PI4K2A: variants seen among roughly 807,000 people sequenced by gnomAD.
PI4K2A encodes phosphatidylinositol 4-kinase type 2-alpha.
Under a neutral mutation model 55.0 loss-of-function variants are expected in PI4K2A, and 20 were observed. The ratio of observed to expected loss-of-function variants is 0.36; its 90% CI spans 0.26 to 0.53. The LOEUF (loss-of-function observed/expected upper bound fraction) is 0.53, where lower values mean the gene tolerates loss of function less well. Among genes scored for constraint, PI4K2A ranks in the 20% least tolerant of loss-of-function variants. The pLI, the probability that PI4K2A is intolerant of heterozygous loss-of-function variation, is 0.91. For missense variants in PI4K2A, 463 were observed against 637.1 expected, an observed-to-expected ratio of 0.73 and a Z score of 2.94; for synonymous variants, 235 against 258.5, an observed-to-expected ratio of 0.91 and a Z score of 0.87.
intron 5 of PI4K2A, among the ~76,000 whole-genome samples, chr10:97,663,516 C>CTTT (rs34921397): frequency 2.8e-5 from 4 of 141,798 alleles, no homozygotes; most frequent in Middle Eastern, 3.8e-3. Context: ...TCTTTTCTTT[C>CTTT]TTTTTTTTTT....
rs144616713 is a variant in PI4K2A at position 97,644,881 on chromosome 10, G to A, written c.435+3704G>A. On this transcript the variant is annotated intron_variant, in intron 1 of 8. Coordinates refer to ENST00000370631, the Ensembl canonical transcript of PI4K2A. ...GATTGGGAGAACCAGCACTTTCTGC[G>A]ACAGCCACTTTTGGATCTTAGACAG... Among the ~76,000 whole-genome samples, 530 of 152,210 alleles carry A rather than the reference G, an allele frequency of 3.5e-3. 2 individuals carry two copies. Among genetic ancestry groups the A allele is most frequent in the Non-Finnish European group, 6.2e-3 (423 of 68,016 alleles).
rs1479903577 is a variant in PI4K2A, at chr10:97,645,539, C to T, written c.435+4362C>T. ...AGGAGAATGGCGTGAACCCGGGAGG[C>T]GGAGCTTGCAGTGAGCCAAGATCGT... is the stretch of plus-strand genomic sequence containing the variant. On this transcript the variant is annotated intron_variant, in intron 1 of 8. Transcript: ENST00000370631. 4.9e-5 allele frequency among the ~76,000 whole-genome samples: 7 copies of T among 143,068 alleles called. No homozygotes were observed. In the East Asian group the frequency reaches 8.6e-4, roughly 18 times the overall value. 93.9% of individuals were successfully genotyped at this position (143,068 alleles called of 152,430 possible).
rs536954710 is a variant in PI4K2A at position 97,641,845 on chromosome 10, C to A, written c.435+668C>A. Among the ~76,000 whole-genome samples, 4 of 152,208 alleles carry A rather than the reference C, an allele frequency of 2.6e-5. No homozygotes were observed. The South Asian group carries it at 8.3e-4, about 32-fold the overall frequency. On this transcript the variant is annotated intron_variant, in intron 1 of 8. Transcript: ENST00000370631. Reference sequence around the variant, plus strand: ...TGGGGCCATCAGCTACTTTTTCTTTCATTTCTCTCCCAGGGCTATCAACAG... The same window carrying A: ...TGGGGCCATCAGCTACTTTTTCTTTAATTTCTCTCCCAGGGCTATCAACAG...
exon 7 of PI4K2A, chr10:97,666,463 C>G: frequency 6.2e-7 from 1 of 1,613,456 alleles, no homozygotes; most frequent in Non-Finnish European, 8.5e-7. Context: ...CCTGGTTGCC[C>G]CAGGCGAAAG....
intron 4 of PI4K2A, among the ~76,000 whole-genome samples, chr10:97,659,892 C>A (rs913311889): frequency 3.3e-5 from 5 of 152,064 alleles, no homozygotes; most frequent in African/African-American, 1.2e-4. Context: ...CGTGGGGAGA[C>A]AGATTTCTGT....
chr10:97,640,697 G>A (rs575942963), exon 1 of PI4K2A: 8 of 1,341,440 alleles, frequency 6.0e-6, no homozygotes, highest in Non-Finnish European at 6.8e-6. Context: ...GGCCGCGAGC[G>A]CAGTGGTGTG....
Position 97,656,949 on chromosome 10 carries a change from G to A in PI4K2A, c.897G>A (p.Val299=), listed in dbSNP as rs1297005137. 6.2e-7 allele frequency: 1 copy of A among 1,614,180 alleles called. No homozygotes were observed. The highest frequency in any genetic ancestry group is 2.2e-5 in the East Asian group (1 of 44,876). The stretch of plus-strand genomic sequence containing the variant: ...TGCTCCAGTTTGAGCGGTTGGTGGT[G>A]CTGGATTACATCATCCGCAACACTG... The change falls in exon 4 of 9, where the codon GTG becomes GTA. Residue 299 remains valine (V), a synonymous_variant. Transcript: ENST00000370631. This position sits in a 1 kb window ranked among gnomAD's most constrained non-coding sequence, Gnocchi z 4.5.
At chr10:97,640,756 G>A in exon 1 of PI4K2A, 1 of 1,510,756 alleles carries the variant, frequency 6.6e-7, no homozygotes. Context: ...GACGAGACGA[G>A]CCCACTAGTG....
chr10:97,670,175 T>G (rs1457653147), intron 8 of PI4K2A, among the ~76,000 whole-genome samples: 1 of 152,226 alleles, frequency 6.6e-6, no homozygotes, highest in African/African-American at 2.4e-5. Flanking sequence ...GCTGAAATTA[T>G]AGGCATGTGC....
chr10:97,664,120 AC>A, intron 5 of PI4K2A, among the ~76,000 whole-genome samples: 1 of 152,354 alleles, frequency 6.6e-6, no homozygotes, highest in East Asian at 1.9e-4. Flanking sequence ...TTAAAATAGT[AC>A]ACAGATTCTT....
intron 1 of PI4K2A, among the ~76,000 whole-genome samples, chr10:97,648,869 T>G (rs1041132531): frequency 6.6e-6 from 1 of 152,222 alleles, no homozygotes; most frequent in Non-Finnish European, 1.5e-5. Flanking sequence ...TTCTGAAGAC[T>G]TATGATGTGA....
chr10:97,666,368 C>G (rs2041609280), intron 6 of PI4K2A, 70 bp from the exon 7 acceptor site: 1 of 1,455,358 alleles, frequency 6.9e-7, no homozygotes, highest in Non-Finnish European at 9.4e-7. Flanking sequence ...AGTGCCTTGA[C>G]TGGTGGAGGA....
Position 97,656,274 on chromosome 10 carries a change from TTTC to T in PI4K2A, c.637-10_637-8del. ...GACTCTAACCTTAGTATCTCTTCTC[TTTC>T]ACTGTAGGTAGTATACCTGGCCAGT... On this transcript the variant is annotated splice_region_variant and splice_polypyrimidine_tract_variant and intron_variant, in intron 2 of 8. Transcript: ENST00000370631. The surrounding 1 kb of genome is among the most constrained non-coding windows in gnomAD (Gnocchi z 4.5). 4 of 1,611,074 alleles carry T rather than the reference TTTC, an allele frequency of 2.5e-6. No homozygotes were observed. The highest frequency in any genetic ancestry group is 3.4e-6 in the Non-Finnish European group (4 of 1,177,398).
intron 5 of PI4K2A, 138 bp from the exon 6 acceptor site, chr10:97,664,747 C>A: frequency 1.6e-6 from 1 of 615,364 alleles, no homozygotes; most frequent in Non-Finnish European, 2.9e-6. Context: ...AACATGGAAG[C>A]CAGTTCAGAG....
intron 4 of PI4K2A, among the ~76,000 whole-genome samples, chr10:97,661,912 G>A (rs975612724): frequency 2.7e-5 from 4 of 149,128 alleles, no homozygotes; most frequent in Non-Finnish European, 5.9e-5. Context: ...GAGTACAGTG[G>A]TATGATCATA....
Position 97,666,586 on chromosome 10 carries a change from C to T in PI4K2A, c.1218+15C>T. ...AACTCTTCAAGGTTAGCCCTGGGAA[C>T]CTCAGCCCTATTATCATATGGGAGA... On this transcript the variant is annotated intron_variant, in intron 7 of 8. Transcript: ENST00000370631. 1 of 1,598,062 alleles carries T rather than the reference C, an allele frequency of 6.3e-7. No homozygotes were observed. Among genetic ancestry groups the T allele is most frequent in the Non-Finnish European group, 8.5e-7 (1 of 1,174,482 alleles).
At position 97,656,875 on chromosome 10, in the gene PI4K2A, C is replaced by T. The variant is rs200233778; in HGVS notation, c.823C>T (p.Arg275Trp). 4.3e-6 allele frequency: 7 copies of T among 1,614,046 alleles called. No individual in the cohort carries two copies. The highest frequency in any genetic ancestry group is 1.7e-5 in the Admixed American group (1 of 60,004). Residue 275 changes from arginine to tryptophan, a missense_variant, in exon 4 of 9, where the codon CGG becomes TGG. Arg to Trp is a moderately radical substitution (Grantham distance 101). Around this residue, in one of 2 missense-constraint regions of PI4K2A, gnomAD observed 277 missense variants for 432.6 expected, o/e 0.64. Transcript: ENST00000370631. This position sits in a 1 kb window ranked among gnomAD's most constrained non-coding sequence, Gnocchi z 4.5. ...CTACAAAGATGCAGACTATTGGCTGCGGCGTTTTGAAGCAGAACCTCTTCC... is the reference window on the plus strand; with the variant it reads ...CTACAAAGATGCAGACTATTGGCTGTGGCGTTTTGAAGCAGAACCTCTTCC...
intron 1 of PI4K2A, among the ~76,000 whole-genome samples, chr10:97,647,113 C>T (rs568298915): frequency 1.2e-4 from 19 of 152,204 alleles, no homozygotes; most frequent in African/African-American, 4.3e-4. Flanking sequence ...GGTTCTGACA[C>T]CAGCTGGTGC....
At chr10:97,647,325 G>GA (rs975380051) in intron 1 of PI4K2A, among the ~76,000 whole-genome samples, 132 of 151,884 alleles carry the variant, frequency 8.7e-4, no homozygotes, top group African/African-American at 2.9e-3. Context: ...TCTATTAAGA[G>GA]AAAAAAAACA....
Sources: allele counts gnomAD v4.1 joint callset (sites outside exome capture counted in the v4.1 genomes callset), GRCh38; gene constraint gnomAD v4.1.1; regional missense constraint gnomAD v4.1.1; non-coding constraint Gnocchi (gnomAD v3.1); transcripts MANE v1.5; gene names NCBI Gene and HGNC (gene_info 2026-07-23, HGNC 2026-07-21).